The following MICU1 variants were observed in gnomAD, a reference collection of about 807,000 sequenced individuals.
MICU1 encodes the protein calcium uptake protein 1, mitochondrial.
In MICU1, 45 loss-of-function variants were observed where a neutral mutation model predicts 56.8. The ratio of observed to expected loss-of-function variants is 0.79; its 90% CI spans 0.62 to 1.02. MICU1 has a LOEUF of 1.02. Among genes scored for constraint, MICU1 ranks in the 50% least tolerant of loss-of-function variants. The pLI, the probability that MICU1 is intolerant of heterozygous loss-of-function variation, is 0.00. For missense variants in MICU1, 504 were observed against 587.1 expected (o/e 0.86, Z 1.46); for synonymous variants, 186 against 195.1 (o/e 0.95, Z 0.39).
rs968243398 is a variant in MICU1, at chr10:72,567,186, CA to C, written c.-1-393del. Among the ~76,000 whole-genome samples the C allele has an allele frequency of 9.9e-5, 15 of 151,568 alleles. No individual in the cohort carries two copies. The East Asian group carries it at 2.1e-3, about 22-fold the overall frequency. ...CAACATAGTAGGACCCCATCTCTAC[CA>C]AAAAAAATCAGCCAAGCATGGTGAC... is the stretch of plus-strand genomic sequence containing the variant. On this transcript the variant is annotated intron_variant, in intron 1 of 11. Transcript: ENST00000361114.
intron 8 of MICU1, among the ~76,000 whole-genome samples, chr10:72,440,234 G>C (rs987256526): frequency 6.6e-6 from 1 of 152,154 alleles, no homozygotes. Context: ...AGAGGCCTCA[G>C]AAATAACACC....
At chr10:72,551,957 G>A (rs1210059398) in intron 3 of MICU1, among the ~76,000 whole-genome samples, 1 of 152,048 alleles carries the variant, frequency 6.6e-6, no homozygotes, top group Non-Finnish European at 1.5e-5. Context: ...TTTTTATAAA[G>A]GGATTGATTT....
intron 5 of MICU1, among the ~76,000 whole-genome samples, chr10:72,522,957 A>T (rs922229585): frequency 6.6e-6 from 1 of 152,192 alleles, no homozygotes; most frequent in East Asian, 1.9e-4. Flanking sequence ...TTAAGAATGC[A>T]GAAAAGCTTG....
At chr10:72,612,011 C>CAAAAAAA (rs55767300) in intron 1 of MICU1, among the ~76,000 whole-genome samples, 1 of 119,964 alleles carries the variant, frequency 8.3e-6, no homozygotes, top group African/African-American at 3.1e-5. Flanking sequence ...ACCAACCAAC[C>CAAAAAAA]AAAAAAAAAA....
intron 10 of MICU1, among the ~76,000 whole-genome samples, chr10:72,394,106 G>C (rs1863168880): frequency 6.6e-6 from 1 of 151,998 alleles, no homozygotes; most frequent in African/African-American, 2.4e-5. Context: ...TATTTGAAGA[G>C]TAATTCAATT....
intron 10 of MICU1, among the ~76,000 whole-genome samples, chr10:72,376,523 C>T (rs1039679342): frequency 3.3e-5 from 5 of 152,108 alleles, no homozygotes; most frequent in Non-Finnish European, 7.4e-5. Flanking sequence ...TGTGCACCAG[C>T]TACTTGGGAG....
At chr10:72,406,061 A>G (rs1863620578) in intron 10 of MICU1, among the ~76,000 whole-genome samples, 1 of 152,080 alleles carries the variant, frequency 6.6e-6, no homozygotes, top group African/African-American at 2.4e-5. Flanking sequence ...CTCTGTTTGA[A>G]GATGATAGGA....
chr10:72,433,380 G>A (rs1440327683), intron 8 of MICU1, among the ~76,000 whole-genome samples: 2 of 151,500 alleles, frequency 1.3e-5, no homozygotes, highest in Non-Finnish European at 2.9e-5. Context: ...CCGAGTAGCT[G>A]GGATTACAGG....
At chr10:72,612,360 A>G (rs1306998670) in intron 1 of MICU1, among the ~76,000 whole-genome samples, 5 of 152,164 alleles carry the variant, frequency 3.3e-5, no homozygotes, top group African/African-American at 1.2e-4. Context: ...CTTTAATCTG[A>G]GCCTAAAGAA....
chr10:72,575,876 G>A (rs1401082497), intron 1 of MICU1, among the ~76,000 whole-genome samples: 1 of 152,060 alleles, frequency 6.6e-6, no homozygotes, highest in African/African-American at 2.4e-5. Flanking sequence ...CTAAATGAAC[G>A]TTCAAGTGAA....
At chr10:72,462,752 C>T (rs976323647) in intron 8 of MICU1, among the ~76,000 whole-genome samples, 4 of 152,122 alleles carry the variant, frequency 2.6e-5, no homozygotes, top group African/African-American at 9.7e-5. Flanking sequence ...ACTTTTTATA[C>T]ACTGGTATAG....
chr10:72,373,050 T>C (rs1862400087), intron 11 of MICU1, among the ~76,000 whole-genome samples: 1 of 152,224 alleles, frequency 6.6e-6, no homozygotes, highest in Admixed American at 6.5e-5. Context: ...TTTGTTACTG[T>C]GAACCAGGTC....
intron 4 of MICU1, among the ~76,000 whole-genome samples, chr10:72,544,562 T>A (rs1412789445): frequency 2.6e-5 from 4 of 152,188 alleles, no homozygotes; most frequent in African/African-American, 9.7e-5. Context: ...TAAAGAAAGC[T>A]CATGTTTTTC....
intron 5 of MICU1, chr10:72,533,035 T>A (rs762057059): frequency 1.6e-4 from 200 of 1,289,328 alleles, no homozygotes; most frequent in Middle Eastern, 2.1e-4. Context: ...GACTTCCTGT[T>A]CATTGTGCTT....
Position 72,477,164 on chromosome 10 carries a change from G to A in MICU1, c.735+10C>T. ...TAATGTATTTAGAGGAACTCTCCAG[G>A]ACAACTTGCCTGTTCAAATTCTTCC... On this transcript the variant is annotated intron_variant, in intron 7 of 11. Transcript: ENST00000361114. 6.5e-7 allele frequency: 1 copy of A among 1,534,434 alleles called. No individual in the cohort carries two copies. Among genetic ancestry groups the A allele is most frequent in the Non-Finnish European group, 8.8e-7 (1 of 1,138,122 alleles).
At chr10:72,566,603 G>T in intron 2 of MICU1, 30 bp downstream of exon 2, 2 of 1,594,974 alleles carry the variant, frequency 1.3e-6, no homozygotes, top group East Asian at 2.3e-5. Flanking sequence ...AAAAGTATAC[G>T]CAAGAACAAG....
At chr10:72,578,212 G>C (rs1267351322) in intron 1 of MICU1, among the ~76,000 whole-genome samples, 1 of 152,030 alleles carries the variant, frequency 6.6e-6, no homozygotes, top group Admixed American at 6.6e-5. Flanking sequence ...TCAGCAAAAG[G>C]ACTGTCACTT....
chr10:72,543,022 G>C (rs949375422), intron 4 of MICU1, among the ~76,000 whole-genome samples: 5 of 152,186 alleles, frequency 3.3e-5, no homozygotes, highest in Admixed American at 6.5e-5. Context: ...CCAATGTTCA[G>C]CTGCTTCTCT....
At position 72,427,738 on chromosome 10, in the gene MICU1, ATAT is replaced by A. The variant is rs1564861517; in HGVS notation, c.934-4370_934-4368del. On this transcript the variant is annotated intron_variant, in intron 8 of 11. Coordinates refer to ENST00000361114, the MANE Select transcript of MICU1 (RefSeq NM_001195518.2). ...ATCATAGACCCCATCTCTAAAATATATATATATATATATATATATATATATATA... is the reference window on the plus strand; with the variant it reads ...ATCATAGACCCCATCTCTAAAATATAATATATATATATATATATATATATA... 5.3e-3 allele frequency among the ~76,000 whole-genome samples: 110 copies of A among 20,620 alleles called. 1 individual carries two copies. Among genetic ancestry groups the A allele is most frequent in the African/African-American group, 0.019 (88 of 4,722 alleles). 13.5% of individuals were successfully genotyped at this position (20,620 alleles called of 152,430 possible).
Sources: gnomAD v4.1 joint callset for allele counts (sites outside exome capture counted in the v4.1 genomes callset) on GRCh38, gnomAD v4.1.1 for gene constraint, MANE v1.5 for transcripts, NCBI Gene and HGNC (gene_info 2026-07-23, HGNC 2026-07-21) for gene names.